Variants in JMJD1C observed in about 807,000 individuals in gnomAD.
JMJD1C encodes the protein jumonji domain-containing protein 1C.
In JMJD1C, 31 loss-of-function variants were observed where a neutral mutation model predicts 245.3. The ratio of observed to expected loss-of-function variants is 0.13; its 90% confidence interval spans 0.09 to 0.17. The LOEUF (loss-of-function observed/expected upper bound fraction) is 0.17. JMJD1C is among the 10% of genes least tolerant of loss of function. JMJD1C has a pLI of 1.00. For missense variants in JMJD1C, 2,691 were observed against 3,000.2 expected, an observed-to-expected ratio of 0.90 and a Z score of 2.41; for synonymous variants, 1,057 against 1,017.4, an observed-to-expected ratio of 1.04 and a Z score of -0.74.
In JMJD1C at chr10:63,214,423, C is replaced by T. The variant is rs779490648; in HGVS notation, c.1744G>A (p.Ala582Thr). Residue 582 changes from alanine to threonine, a missense_variant, in exon 8 of 26, where the codon GCT becomes ACT. Physicochemically the swap from Ala to Thr is moderately conservative, Grantham distance 58. Around this residue, in one of 9 missense-constraint regions of JMJD1C, gnomAD observed 1,562 missense variants for 1,490.7 expected, o/e 1.05. Coordinates refer to ENST00000399262, the MANE Select transcript of JMJD1C (RefSeq NM_032776.3). ...VDLTQSSVTN[A>T]SSGNDHLNME... is the part of the protein sequence containing the mutation. ...TTCAAGTGATCATTTCCTGAAGAAG[C>T]ATTTGTAACACTTGATTGGGTTAGA... 1.2e-6 allele frequency: 2 copies of T among 1,613,824 alleles called. No homozygotes were observed. Among genetic ancestry groups the T allele is most frequent in the African/African-American group, 2.7e-5 (2 of 75,052 alleles).
chr10:63,473,344 C>G (rs1265968017), intron 1 of JMJD1C, among the ~76,000 whole-genome samples: 5 of 152,016 alleles, frequency 3.3e-5, no homozygotes, highest in Non-Finnish European at 7.4e-5. Context: ...CTCGGAAGTT[C>G]AAGCAGTTCT....
chr10:63,258,934 G>A (rs1338554224), intron 3 of JMJD1C, among the ~76,000 whole-genome samples: 1 of 152,144 alleles, frequency 6.6e-6, no homozygotes, highest in East Asian at 1.9e-4. Context: ...AAATCTGAAA[G>A]GAACTGTAGG....
chr10:63,182,878 TGAGA>T (rs1425676565), intron 22 of JMJD1C, among the ~76,000 whole-genome samples: 93 of 143,540 alleles, frequency 6.5e-4, no homozygotes, highest in Middle Eastern at 3.6e-3. Flanking sequence ...TGGTTTTTTT[TGAGA>T]TGGAGTTTTG....
At chr10:63,384,549 G>A (rs1036418937) in intron 1 of JMJD1C, among the ~76,000 whole-genome samples, 7 of 152,270 alleles carry the variant, frequency 4.6e-5, no homozygotes, top group Middle Eastern at 6.8e-3. Context: ...TACTTTGAAA[G>A]GAATCTTTTT....
chr10:63,321,515 A>C (rs1052362177), intron 2 of JMJD1C, among the ~76,000 whole-genome samples: 29 of 152,236 alleles, frequency 1.9e-4, no homozygotes, highest in Non-Finnish European at 2.8e-4. Context: ...GGTGTGTAAG[A>C]AAATACCCCA....
intron 2 of JMJD1C, among the ~76,000 whole-genome samples, chr10:63,348,765 G>A (rs376980942): frequency 2.0e-5 from 3 of 152,084 alleles, no homozygotes; most frequent in African/African-American, 7.2e-5. Flanking sequence ...TCCTTTTCAA[G>A]ATAATGGGTG....
chr10:63,213,410 A>G, intron 8 of JMJD1C, 63 bp downstream of exon 8: 1 of 948,780 alleles, frequency 1.1e-6, no homozygotes, highest in Non-Finnish European at 1.6e-6. Context: ...TGGAATATTG[A>G]AAAAGCACCT....
chr10:63,256,906 G>A (rs1589302531), intron 3 of JMJD1C, among the ~76,000 whole-genome samples: 1 of 152,142 alleles, frequency 6.6e-6, no homozygotes, highest in Admixed American at 6.5e-5. Context: ...GAATGTGTTC[G>A]ACGCCTGTCA....
chr10:63,493,785 T>C (rs966645514), intron 1 of JMJD1C, among the ~76,000 whole-genome samples: 2 of 152,154 alleles, frequency 1.3e-5, no homozygotes, highest in African/African-American at 4.8e-5. Context: ...GTAGCCACTT[T>C]ACAAATGGAG....
chr10:63,316,391 T>C (rs1037524908), intron 2 of JMJD1C, among the ~76,000 whole-genome samples: 4 of 152,214 alleles, frequency 2.6e-5, no homozygotes, highest in Admixed American at 6.5e-5. Context: ...GCTTCTTACG[T>C]GTTTTTTGGT....
chr10:63,346,159 T>TA (rs1272852845), intron 2 of JMJD1C, among the ~76,000 whole-genome samples: 2 of 152,114 alleles, frequency 1.3e-5, no homozygotes, highest in East Asian at 3.9e-4. Flanking sequence ...TCTCCTAACT[T>TA]AGTCACCCAA....
chr10:63,225,298 T>A lies in JMJD1C; in HGVS notation c.448-5315A>T, dbSNP rs530435554. ...GTTATAACCTCCAGCAAACGACAAA[T>A]GGAAAAAAATCAGTTCACTAAGCAT... On this transcript the variant is annotated intron_variant, in intron 3 of 25. Coordinates refer to ENST00000399262, the MANE Select transcript of JMJD1C (RefSeq NM_032776.3). Among the ~76,000 whole-genome samples the A allele has an allele frequency of 3.5e-3, 530 of 151,950 alleles. 4 individuals carry two copies. Among genetic ancestry groups the A allele is most frequent in the Non-Finnish European group, 6.4e-3 (437 of 67,928 alleles).
At chr10:63,455,846 T>C (rs1293979704) in intron 1 of JMJD1C, among the ~76,000 whole-genome samples, 1 of 152,130 alleles carries the variant, frequency 6.6e-6, no homozygotes, top group African/African-American at 2.4e-5. Flanking sequence ...AAAAAGGCAG[T>C]AGAACCTAGT....
chr10:63,268,118 A>T (rs887268584), intron 2 of JMJD1C, among the ~76,000 whole-genome samples: 1 of 4,174 alleles, frequency 2.4e-4, no homozygotes, highest in South Asian at 3.4e-3. Flanking sequence ...ATTCCAAGTT[A>T]AAAAAAAAAA....
At chr10:63,229,124 GGTGT>G (rs1313182815) in intron 3 of JMJD1C, among the ~76,000 whole-genome samples, 3 of 151,826 alleles carry the variant, frequency 2.0e-5, no homozygotes, top group Non-Finnish European at 4.4e-5. Context: ...TCTCTATGTA[GGTGT>G]GTGTGTGTCT....
intron 3 of JMJD1C, among the ~76,000 whole-genome samples, chr10:63,227,293 A>G (rs1470476828): frequency 6.6e-6 from 1 of 152,196 alleles, no homozygotes; most frequent in Non-Finnish European, 1.5e-5. Context: ...ATTTCCTAAG[A>G]TAATAAGGTA....
intron 3 of JMJD1C, among the ~76,000 whole-genome samples, chr10:63,264,025 T>C (rs1855207566): frequency 6.9e-6 from 1 of 144,454 alleles, no homozygotes; most frequent in African/African-American, 2.6e-5. Flanking sequence ...TGAGCTTTAC[T>C]TATACCTGAA....
At chr10:63,350,072 T>A (rs944268445) in intron 2 of JMJD1C, among the ~76,000 whole-genome samples, 1 of 152,190 alleles carries the variant, frequency 6.6e-6, no homozygotes, top group African/African-American at 2.4e-5. Context: ...AGAATAAGAT[T>A]TTAATATATT....
intron 3 of JMJD1C, among the ~76,000 whole-genome samples, chr10:63,232,151 A>G (rs1267510458): frequency 6.6e-6 from 1 of 151,988 alleles, no homozygotes; most frequent in Non-Finnish European, 1.5e-5. Flanking sequence ...TTTACCCTTA[A>G]GGGCTTATTT....
Sources: allele counts gnomAD v4.1 joint callset (sites outside exome capture counted in the v4.1 genomes callset), GRCh38; gene constraint gnomAD v4.1.1; regional missense constraint gnomAD v4.1.1; transcripts MANE v1.5; gene names NCBI Gene and HGNC (gene_info 2026-07-23, HGNC 2026-07-21).